THAP8: variants seen among roughly 807,000 people sequenced by gnomAD.
The protein encoded by THAP8 is THAP domain containing 8, also known as THAP domain-containing protein 8.
THAP8 carries 24 observed loss-of-function variants against 25.0 expected under a neutral mutation model. That is an observed-to-expected ratio of 0.96 (90% CI 0.69 to 1.35). The LOEUF is 1.35. Ranked by LOEUF, THAP8 falls within the 40% of genes most tolerant of loss-of-function variation. THAP8 has a pLI of 0.00. For missense variants in THAP8, 399 were observed against 368.8 expected (o/e 1.08, Z -0.67); for synonymous variants, 169 against 157.6 (o/e 1.07, Z -0.54).
chr19:36,036,247 T>G lies in THAP8; in HGVS notation c.673-655A>C, dbSNP rs1414625038. ...AATCCAAGCCCAGTGCTGCTAGATA[T>G]GCAGAGCCTTCAGGAAAGACCAGAC... On this transcript the variant is annotated intron_variant, in intron 3 of 3. Transcript: ENST00000292894. Among the ~76,000 whole-genome samples the G allele has an allele frequency of 2.7e-5, 4 of 149,314 alleles. No individual in the cohort carries two copies. In the Admixed American group the frequency reaches 2.7e-4, roughly 10 times the overall value.
chr19:36,053,996 A>C, intron 1 of THAP8, 139 bp downstream of exon 1: 1 of 858,780 alleles, frequency 1.2e-6, no homozygotes, highest in East Asian at 2.7e-5. Context: ...ACTGCCAGGA[A>C]GGCCATCTCC....
intron 1 of THAP8, among the ~76,000 whole-genome samples, chr19:36,043,038 C>T (rs947228157): frequency 1.3e-5 from 2 of 152,324 alleles, no homozygotes; most frequent in African/African-American, 4.8e-5. Context: ...AAGCGACTCT[C>T]CCGCCTCAGC....
rs1230451283 is a variant in THAP8, at chr19:36,054,209, C to G, written c.9G>C (p.Lys3Asn). 9 of 1,613,728 alleles carry G rather than the reference C, an allele frequency of 5.6e-6. No individual in the cohort carries two copies. The East Asian group carries it at 6.7e-5, about 12-fold the overall frequency. ...TGGAGCAGTTCGGCGCCCTGCAGTA[C>G]TTGGGCATGGCTATCCAGCCCCCGC... MP[K>N]YCRAPNCSNT... Residue 3 changes from lysine (K) to asparagine (N), a missense_variant, in exon 1 of 4, where the codon AAG (lysine) becomes AAC (asparagine). By Grantham distance (94) the Lys-to-Asn change is moderately conservative. Transcript: ENST00000292894.
intron 1 of THAP8, 114 bp from the exon 2 acceptor site, chr19:36,040,250 G>C: frequency 9.2e-7 from 1 of 1,092,328 alleles, no homozygotes; most frequent in Non-Finnish European, 1.3e-6. Context: ...CCTAGGGCTA[G>C]GAAGTAGACC....
chr19:36,039,976 G>A lies in THAP8; in HGVS notation c.244C>T (p.Pro82Ser), dbSNP rs891349359. ...GVRYLRPDAV[P>S]SIFSRGPPAK... ...GGTGGTCCCCGGGAGAAGATGGAGG[G>A]CACTGCATCAGGCCGCAGGTAGCGC... The change falls in exon 2 of 4, where the codon CCC (proline) becomes TCC (serine). Residue 82 changes from proline to serine, a missense_variant. By Grantham distance (74) the Pro-to-Ser change is moderately conservative. Coordinates refer to ENST00000292894, the MANE Select transcript of THAP8 (RefSeq NM_152658.3). 37 of 1,613,274 alleles carry A rather than the reference G, an allele frequency of 2.3e-5. No homozygotes were observed. The highest frequency in any genetic ancestry group is 3.0e-5 in the Non-Finnish European group (35 of 1,179,954).
At chr19:36,037,644 T>C (rs549616340) in intron 3 of THAP8, among the ~76,000 whole-genome samples, 1 of 152,234 alleles carries the variant, frequency 6.6e-6, no homozygotes, top group Non-Finnish European at 1.5e-5. Context: ...GAGGTTTTTT[T>C]TGTTTGTTTT....
In THAP8 at chr19:36,039,475, C is replaced by T; in HGVS notation, c.520G>A (p.Gly174Ser). ...CGTTGCAGTGCTCCCAGCACTGGGCCCAGCCCGGTCTGGGCCTGTTGGGCA... is the reference window on the plus strand; with the variant it reads ...CGTTGCAGTGCTCCCAGCACTGGGCTCAGCCCGGTCTGGGCCTGTTGGGCA... ...VPAQQAQTGL[G>S]PVLGALQRRV... The change falls in exon 3 of 4, where the codon GGC becomes AGC. Residue 174 changes from glycine (G) to serine (S), a missense_variant. By Grantham distance (56) the Gly-to-Ser change is moderately conservative. Coordinates refer to ENST00000292894, the MANE Select transcript of THAP8 (RefSeq NM_152658.3). 1.3e-6 allele frequency: 2 copies of T among 1,597,748 alleles called. No homozygotes were observed. Among genetic ancestry groups the T allele is most frequent in the Admixed American group, 1.7e-5 (1 of 58,210 alleles).
chr19:36,040,478 C>T (rs1715325950), intron 1 of THAP8, among the ~76,000 whole-genome samples: 2 of 152,150 alleles, frequency 1.3e-5, no homozygotes, highest in South Asian at 4.1e-4. Context: ...AGGCGCACGC[C>T]ACCACGCCCG....
At chr19:36,039,764 G>T in intron 2 of THAP8, 46 bp from the exon 3 acceptor site, 11 of 1,485,592 alleles carry the variant, frequency 7.4e-6, no homozygotes, top group Non-Finnish European at 9.0e-6. Context: ...GTCAGACTTC[G>T]ACTCAGGAGG....
chr19:36,045,013 T>C (rs193242736), intron 1 of THAP8, among the ~76,000 whole-genome samples: 1 of 152,352 alleles, frequency 6.6e-6, no homozygotes, highest in Admixed American at 6.5e-5. Context: ...CTTTTAGTCA[T>C]TGTGGTAGCC....
At chr19:36,041,014 T>C (rs1969673906) in intron 1 of THAP8, among the ~76,000 whole-genome samples, 1 of 152,004 alleles carries the variant, frequency 6.6e-6, no homozygotes, top group African/African-American at 2.4e-5. Context: ...TATAAGATAA[T>C]TGTAAGAAAC....
At chr19:36,048,531 A>G (rs1969950696) in intron 1 of THAP8, among the ~76,000 whole-genome samples, 1 of 151,924 alleles carries the variant, frequency 6.6e-6, no homozygotes, top group Non-Finnish European at 1.5e-5. Flanking sequence ...ACGCCTGGCA[A>G]TTTTTGTATT....
Position 36,046,937 on chromosome 19 carries a change from G to C in THAP8, c.84-6801C>G, listed in dbSNP as rs142714726. ...GGATGGTGCCTTAAATGGAAGGGACGATCAACAGGATTCAGCAGCTCAAAG... is the reference window on the plus strand; with the variant it reads ...GGATGGTGCCTTAAATGGAAGGGACCATCAACAGGATTCAGCAGCTCAAAG... On this transcript the variant is annotated intron_variant, in intron 1 of 3. Transcript: ENST00000292894. Among the ~76,000 whole-genome samples, 552 of 152,254 alleles carry C rather than the reference G, an allele frequency of 3.6e-3. 2 individuals carry two copies. The highest frequency in any genetic ancestry group is 6.8e-3 in the Middle Eastern group (2 of 294).
At chr19:36,048,993 C>T (rs1423277288) in intron 1 of THAP8, among the ~76,000 whole-genome samples, 1 of 151,748 alleles carries the variant, frequency 6.6e-6, no homozygotes, top group Non-Finnish European at 1.5e-5. Flanking sequence ...GACTTTGTTA[C>T]TACCAAGCAG....
chr19:36,050,907 C>T (rs970806963), intron 1 of THAP8, among the ~76,000 whole-genome samples: 3 of 152,120 alleles, frequency 2.0e-5, no homozygotes, highest in Admixed American at 2.0e-4. Flanking sequence ...ATCCACCCAA[C>T]GAATCTTTAC....
At chr19:36,048,491 G>A (rs1342615720) in intron 1 of THAP8, among the ~76,000 whole-genome samples, 1 of 151,854 alleles carries the variant, frequency 6.6e-6, no homozygotes, top group Non-Finnish European at 1.5e-5. Flanking sequence ...TCAGCCTCCT[G>A]AGTAGCTGGG....
intron 1 of THAP8, among the ~76,000 whole-genome samples, chr19:36,050,328 G>A (rs1970021228): frequency 6.6e-6 from 1 of 152,030 alleles, no homozygotes; most frequent in Admixed American, 6.5e-5. Flanking sequence ...ACATTTTGTA[G>A]AGATGGGGTT....
At chr19:36,049,672 C>T (rs533949593) in intron 1 of THAP8, among the ~76,000 whole-genome samples, 2 of 124 alleles carry the variant, frequency 0.016, no homozygotes, top group South Asian at 0.33. Context: ...CATCATTTTC[C>T]TCCTTATTAT....
At chr19:36,052,388 G>A (rs558831927) in intron 1 of THAP8, among the ~76,000 whole-genome samples, 5 of 152,244 alleles carry the variant, frequency 3.3e-5, no homozygotes, top group East Asian at 3.9e-4. Flanking sequence ...GATCTGAAGC[G>A]TTTCATCCCA....
Sources: gnomAD v4.1 joint callset for allele counts (sites outside exome capture counted in the v4.1 genomes callset) on GRCh38, gnomAD v4.1.1 for gene constraint, MANE v1.5 for transcripts, NCBI Gene and HGNC (gene_info 2026-07-23, HGNC 2026-07-21) for gene names.